KCNH1: variants seen among roughly 807,000 people sequenced by gnomAD.
KCNH1 encodes the protein potassium voltage-gated channel subfamily H member 1, also known as voltage-gated delayed rectifier potassium channel KCNH1.
KCNH1 carries 27 observed loss-of-function variants against 69.2 expected under a neutral mutation model. That is an observed-to-expected ratio of 0.39 (90% confidence interval 0.29 to 0.54). The LOEUF is 0.54. KCNH1 is among the 20% of genes least tolerant of loss of function. The pLI is 0.68. For missense variants in KCNH1, 798 were observed against 1,261.6 expected (o/e 0.63, Z 5.57); for synonymous variants, 456 against 487.7 (o/e 0.93, Z 0.86).
intron 10 of KCNH1, among the ~76,000 whole-genome samples, chr1:210,684,558 T>G (rs1681366906): frequency 6.6e-6 from 1 of 152,186 alleles, no homozygotes; most frequent in Non-Finnish European, 1.5e-5. Context: ...TGGCCCCACT[T>G]CAGACCTACT....
intron 5 of KCNH1, among the ~76,000 whole-genome samples, chr1:211,044,093 C>T (rs113907885): frequency 0.049 from 7,445 of 152,020 alleles, 269 homozygotes; most frequent in Non-Finnish European, 0.07. Flanking sequence ...CTAGCCAGAG[C>T]GATTAGACAA....
intron 7 of KCNH1, among the ~76,000 whole-genome samples, chr1:210,869,539 G>T (rs1465468770): frequency 6.7e-6 from 1 of 148,184 alleles, no homozygotes; most frequent in Non-Finnish European, 1.5e-5. Context: ...TTTTAGGCAT[G>T]CCTGGTAATT....
intron 6 of KCNH1, among the ~76,000 whole-genome samples, chr1:210,980,707 G>C (rs987041770): frequency 2.0e-5 from 3 of 152,088 alleles, no homozygotes; most frequent in Admixed American, 6.6e-5. Context: ...GCAGTATTAG[G>C]GAGAGAGAGT....
chr1:210,803,884 A>C (rs1684477895), intron 8 of KCNH1, 83 bp downstream of exon 8: 1 of 1,213,416 alleles, frequency 8.2e-7, no homozygotes, highest in African/African-American at 1.5e-5. Flanking sequence ...GCCAGGTTTG[A>C]CATCCACTGT....
At chr1:210,759,142 C>T (rs1340598114) in intron 10 of KCNH1, among the ~76,000 whole-genome samples, 1 of 128,882 alleles carries the variant, frequency 7.8e-6, no homozygotes, top group Non-Finnish European at 1.6e-5. Flanking sequence ...CTATCCAAAC[C>T]TATCCAAATG....
At chr1:210,794,882 C>T (rs2102396855) in intron 9 of KCNH1, among the ~76,000 whole-genome samples, 1 of 152,290 alleles carries the variant, frequency 6.6e-6, no homozygotes, top group South Asian at 2.1e-4. Flanking sequence ...TCCTCCTTAT[C>T]AAGGAAACTG....
chr1:210,708,025 C>T (rs1383410547), intron 10 of KCNH1, among the ~76,000 whole-genome samples: 1 of 152,164 alleles, frequency 6.6e-6, no homozygotes, highest in African/African-American at 2.4e-5. Context: ...GGTATAATAG[C>T]ATGTCATGCA....
chr1:211,076,338 G>A (rs192433759), intron 5 of KCNH1, among the ~76,000 whole-genome samples: 2 of 152,192 alleles, frequency 1.3e-5, no homozygotes, highest in East Asian at 1.9e-4. Flanking sequence ...AGTAGGGTCC[G>A]ACTGACACCT....
chr1:210,939,894 G>T (rs1158053325), intron 6 of KCNH1, among the ~76,000 whole-genome samples: 1 of 152,148 alleles, frequency 6.6e-6, no homozygotes, highest in Non-Finnish European at 1.5e-5. Context: ...TTGTTGAATG[G>T]AAACTCAAAC....
chr1:210,913,356 A>G (rs1465745259), intron 7 of KCNH1, among the ~76,000 whole-genome samples: 1 of 151,932 alleles, frequency 6.6e-6, no homozygotes, highest in East Asian at 1.9e-4. Flanking sequence ...AGCAATTATT[A>G]TTTTCTTTTT....
At chr1:210,911,336 G>A (rs1468843294) in intron 7 of KCNH1, among the ~76,000 whole-genome samples, 2 of 152,084 alleles carry the variant, frequency 1.3e-5, no homozygotes, top group Non-Finnish European at 2.9e-5. Flanking sequence ...TCATCTCATT[G>A]ACTCATCTGG....
intron 5 of KCNH1, among the ~76,000 whole-genome samples, chr1:211,068,322 G>A (rs920725642): frequency 3.3e-5 from 5 of 152,138 alleles, no homozygotes; most frequent in Non-Finnish European, 7.4e-5. Flanking sequence ...TTTCCAATAC[G>A]TCATGTAAAT....
chr1:211,030,839 ACG>A (rs1689769866), intron 5 of KCNH1, among the ~76,000 whole-genome samples: 1 of 152,092 alleles, frequency 6.6e-6, no homozygotes, highest in South Asian at 2.1e-4. Flanking sequence ...TGCAAAGCAA[ACG>A]TCAAATAAAG....
intron 5 of KCNH1, among the ~76,000 whole-genome samples, chr1:211,063,069 G>A (rs1050375541): frequency 2.6e-5 from 4 of 152,174 alleles, no homozygotes; most frequent in African/African-American, 7.2e-5. Flanking sequence ...AGTGTGCATC[G>A]ATGGATGAAT....
intron 9 of KCNH1, among the ~76,000 whole-genome samples, chr1:210,778,082 C>T (rs1273008143): frequency 2.0e-5 from 3 of 152,196 alleles, no homozygotes; most frequent in Admixed American, 6.5e-5. Flanking sequence ...CTGACAGTCT[C>T]GACTGCCAGT....
At chr1:211,000,700 G>T (rs1054228831) in intron 6 of KCNH1, among the ~76,000 whole-genome samples, 1 of 152,110 alleles carries the variant, frequency 6.6e-6, no homozygotes, top group Non-Finnish European at 1.5e-5. Flanking sequence ...AGCCTACATT[G>T]CCAAGTCAAT....
intron 7 of KCNH1, among the ~76,000 whole-genome samples, chr1:210,853,746 T>C (rs73069597): frequency 3.5e-4 from 53 of 152,198 alleles, no homozygotes; most frequent in African/African-American, 1.3e-3. Context: ...AATGGATCCA[T>C]TGTTAGTCCT....
chr1:210,719,047 C>T (rs984881847), intron 10 of KCNH1, among the ~76,000 whole-genome samples: 6 of 152,202 alleles, frequency 3.9e-5, no homozygotes, highest in African/African-American at 1.2e-4. Flanking sequence ...TTGCCCACAA[C>T]TGCATTGTCC....
chr1:210,808,694 C>T (rs769277677), intron 7 of KCNH1, among the ~76,000 whole-genome samples: 10 of 152,032 alleles, frequency 6.6e-5, no homozygotes, highest in Non-Finnish European at 1.0e-4. Context: ...CCATGGCCAG[C>T]CCCTAATTTT....
Sources: gnomAD v4.1 joint callset for allele counts (sites outside exome capture counted in the v4.1 genomes callset) on GRCh38, gnomAD v4.1.1 for gene constraint, MANE v1.5 for transcripts, NCBI Gene and HGNC (gene_info 2026-07-23, HGNC 2026-07-21) for gene names.